STIM1: variants seen among roughly 807,000 people sequenced by gnomAD.
STIM1 encodes stromal interaction molecule 1.
Under a neutral mutation model 74.7 loss-of-function variants are expected in STIM1, and 25 were observed. That is an observed-to-expected ratio of 0.33 (90% confidence interval 0.24 to 0.47). The LOEUF is 0.47. STIM1 is among the 20% of genes least tolerant of loss of function. STIM1 has a pLI of 1.00. For synonymous variants in STIM1, 328 were observed against 348.8 expected (o/e 0.94, Z 0.66); for missense variants, 728 against 920.8 (o/e 0.79, Z 2.71).
intron 1 of STIM1, among the ~76,000 whole-genome samples, chr11:3,866,614 A>T (rs1267969565): frequency 6.6e-6 from 1 of 151,860 alleles, no homozygotes; most frequent in Non-Finnish European, 1.5e-5. Context: ...TTTAGTAGAG[A>T]CGGGGTTTCA....
chr11:3,856,827 G>T (rs947674937), intron 1 of STIM1, among the ~76,000 whole-genome samples: 1 of 152,170 alleles, frequency 6.6e-6, no homozygotes, highest in Admixed American at 6.5e-5. Flanking sequence ...GAAAGTTAAG[G>T]CTGGGCCACC....
At chr11:3,894,086 A>G (rs2091982576) in intron 1 of STIM1, among the ~76,000 whole-genome samples, 1 of 152,088 alleles carries the variant, frequency 6.6e-6, no homozygotes, top group Admixed American at 6.6e-5. Context: ...TTTGAACTAT[A>G]TTTGAAAAAG....
chr11:3,887,447 G>T (rs189448989), intron 1 of STIM1, among the ~76,000 whole-genome samples: 1 of 152,258 alleles, frequency 6.6e-6, no homozygotes, highest in African/African-American at 2.4e-5. Context: ...TAATGGCATG[G>T]GTCAAGGTAT....
intron 2 of STIM1, among the ~76,000 whole-genome samples, chr11:3,998,975 A>T (rs1298840937): frequency 6.6e-6 from 1 of 152,204 alleles, no homozygotes; most frequent in Non-Finnish European, 1.5e-5. Flanking sequence ...ACAAATACTC[A>T]ACTCTGTCTT....
chr11:3,937,237 G>A (rs1256433057), intron 1 of STIM1, among the ~76,000 whole-genome samples: 2 of 151,622 alleles, frequency 1.3e-5, no homozygotes, highest in African/African-American at 2.4e-5. Flanking sequence ...GTTGCAGTGA[G>A]CCGAGATGAC....
rs538576068 is a variant in STIM1, at chr11:4,089,708, C to G, written c.1635-1574C>G. 7.9e-4 allele frequency among the ~76,000 whole-genome samples: 120 copies of G among 152,320 alleles called. 1 individual carries two copies. The South Asian group carries it at 0.012, about 15-fold the overall frequency. On this transcript the variant is annotated intron_variant, in intron 12 of 12. Coordinates refer to ENST00000526596, the MANE Select transcript of STIM1 (RefSeq NM_001382567.1). ...CAACTGAGAATTAAATCTACAATAG[C>G]TATGAGCCAACCCCCTGCTTTTGCC...
intron 1 of STIM1, among the ~76,000 whole-genome samples, chr11:3,939,388 G>C (rs2092976727): frequency 6.6e-6 from 1 of 152,152 alleles, no homozygotes. Context: ...CAGGAAAGTA[G>C]GTGACTATGA....
intron 1 of STIM1, among the ~76,000 whole-genome samples, chr11:3,901,758 T>C (rs2092353710): frequency 6.6e-6 from 1 of 152,232 alleles, no homozygotes; most frequent in Non-Finnish European, 1.5e-5. Context: ...CTAAGCCTTC[T>C]TCATTTTTTT....
intron 2 of STIM1, among the ~76,000 whole-genome samples, chr11:3,972,248 A>G (rs1243969059): frequency 1.3e-5 from 2 of 152,244 alleles, no homozygotes. Flanking sequence ...CCCCAGTTAC[A>G]GATCTTTTAA....
chr11:4,086,070 C>A, intron 11 of STIM1: 1 of 176,530 alleles, frequency 5.7e-6, no homozygotes, highest in South Asian at 1.4e-4. Flanking sequence ...TAATGATGAA[C>A]ATGTTTATGT....
chr11:3,944,798 C>G (rs1275819806), intron 1 of STIM1, among the ~76,000 whole-genome samples: 2 of 152,184 alleles, frequency 1.3e-5, no homozygotes, highest in African/African-American at 4.8e-5. Context: ...CTAATCAGAG[C>G]AGGAGTGTAG....
chr11:4,007,756 G>A (rs537590574), intron 2 of STIM1, among the ~76,000 whole-genome samples: 1 of 152,132 alleles, frequency 6.6e-6, no homozygotes, highest in Non-Finnish European at 1.5e-5. Context: ...TACAAACTGT[G>A]CCCCTGAAGG....
At chr11:4,066,665 C>T (rs2094367755) in intron 5 of STIM1, among the ~76,000 whole-genome samples, 1 of 151,888 alleles carries the variant, frequency 6.6e-6, no homozygotes, top group Admixed American at 6.6e-5. Flanking sequence ...GGCAACATAG[C>T]AAGACCTCCA....
chr11:4,071,964 G>A (rs1490997978), intron 6 of STIM1, among the ~76,000 whole-genome samples: 2 of 152,122 alleles, frequency 1.3e-5, no homozygotes, highest in Non-Finnish European at 1.5e-5. Context: ...CTGATTCCTG[G>A]CTACTTTGCT....
chr11:3,856,285 C>A lies in STIM1; in HGVS notation c.15C>A (p.Val5=), dbSNP rs2090365346. 2 of 1,614,066 alleles carry A rather than the reference C, an allele frequency of 1.2e-6. No homozygotes were observed. Among genetic ancestry groups the A allele is most frequent in the South Asian group, 1.1e-5 (1 of 91,092 alleles). Residue 5 remains valine, a synonymous_variant, in exon 1 of 13, where the codon GTC becomes GTA. Transcript: ENST00000526596. The part of the protein sequence containing the change: MDVC[V]RLALWLLWGL... The stretch of plus-strand genomic sequence containing the variant: ...GACCTAGAGTCATGGATGTATGCGT[C>A]CGTCTTGCCCTGTGGCTCCTCTGGG...
At chr11:4,016,912 C>T (rs766345706) in intron 2 of STIM1, among the ~76,000 whole-genome samples, 42 of 152,334 alleles carry the variant, frequency 2.8e-4, no homozygotes, top group Non-Finnish European at 5.4e-4. Context: ...CTGCCAGTTG[C>T]GAAGACCGTG....
intron 1 of STIM1, among the ~76,000 whole-genome samples, chr11:3,913,930 C>T (rs1024973767): frequency 5.3e-5 from 8 of 152,060 alleles, no homozygotes; most frequent in Admixed American, 3.9e-4. Context: ...TACGTTGTAA[C>T]GTGTCGGTAC....
chr11:4,070,295 C>G, intron 6 of STIM1, 92 bp downstream of exon 6: 1 of 1,460,612 alleles, frequency 6.8e-7, no homozygotes, highest in Non-Finnish European at 9.5e-7. Context: ...GCCCCTGAGA[C>G]CTTGTCAGCA....
rs373231654 is a variant in STIM1 at position 3,864,431 on chromosome 11, T to C, written c.139+8022T>C. On this transcript the variant is annotated intron_variant, in intron 1 of 12. Transcript: ENST00000526596. ...TGTTGGCTGGGGCTGAAGACTCTAT[T>C]TGGGGGGAGAGTGTTTGCTTTTAAG... is the stretch of plus-strand genomic sequence containing the variant. Among the ~76,000 whole-genome samples the C allele has an allele frequency of 1.7e-4, 26 of 152,210 alleles. 1 individual carries two copies. The East Asian group carries it at 5.0e-3, about 29-fold the overall frequency.
Sources: gnomAD v4.1 joint callset for allele counts (sites outside exome capture counted in the v4.1 genomes callset) on GRCh38, gnomAD v4.1.1 for gene constraint, MANE v1.5 for transcripts, NCBI Gene and HGNC (gene_info 2026-07-23, HGNC 2026-07-21) for gene names.